Variants in LGSN observed in about 807,000 individuals in gnomAD.
LGSN encodes lengsin.
Under a neutral mutation model 19.5 loss-of-function variants are expected in LGSN, and 21 were observed. That is an observed-to-expected ratio of 1.07 (90% CI 0.76 to 1.55). The LOEUF (loss-of-function observed/expected upper bound fraction) is 1.55. Among genes scored for constraint, LGSN ranks in the 40% most tolerant of loss-of-function variants. The probability of loss-of-function intolerance (pLI) is 0.00; values close to 1 mark genes in which losing one functional copy is unlikely to be tolerated. For synonymous variants in LGSN, 257 were observed against 215.6 expected (o/e 1.19, Z -1.68); for missense variants, 673 against 608.5 (o/e 1.11, Z -1.12).
the LGSN span, among the ~76,000 whole-genome samples, chr6:63,496,038 T>C: frequency 6.6e-6 from 1 of 152,144 alleles, no homozygotes; most frequent in Non-Finnish European, 1.5e-5. Flanking sequence ...GCAATTCTCC[T>C]GCCTCAGCCT....
At chr6:63,480,986 T>TATACACATATAC in the LGSN span, among the ~76,000 whole-genome samples, 45 of 44,100 alleles carry the variant, frequency 1.0e-3, 1 homozygote, top group African/African-American at 2.0e-3. Context: ...TATATATATA[T>TATACACATATAC]ACACACACAC....
chr6:63,370,642 C>T, the LGSN span, among the ~76,000 whole-genome samples: 3 of 152,148 alleles, frequency 2.0e-5, no homozygotes, highest in Non-Finnish European at 4.4e-5. Context: ...CTCTCCTCAC[C>T]CAGAAATCAC....
At chr6:63,428,133 A>G in the LGSN span, among the ~76,000 whole-genome samples, 2 of 152,106 alleles carry the variant, frequency 1.3e-5, no homozygotes. Context: ...ATTTTCTTCT[A>G]ACCAAACACT....
the LGSN span, chr6:63,480,577 C>T: frequency 4.0e-5 from 6 of 151,504 alleles, no homozygotes; most frequent in African/African-American, 1.5e-4. Context: ...AGATGTGAAA[C>T]CTTGTGATAA....
At chr6:63,315,640 GT>G in intron 1 of LGSN, among the ~76,000 whole-genome samples, 1 of 151,160 alleles carries the variant, frequency 6.6e-6, no homozygotes, top group East Asian at 1.9e-4. Context: ...GTGTGTGTGT[GT>G]GTGTGTGTGT....
the LGSN span, among the ~76,000 whole-genome samples, chr6:63,429,504 G>A: frequency 6.6e-6 from 1 of 152,152 alleles, no homozygotes; most frequent in African/African-American, 2.4e-5. Context: ...GGGAGGCTGA[G>A]GCAGGCAAAT....
At chr6:63,383,958 T>C in the LGSN span, among the ~76,000 whole-genome samples, 1 of 152,226 alleles carries the variant, frequency 6.6e-6, no homozygotes, top group Non-Finnish European at 1.5e-5. Context: ...CATACCAGCT[T>C]CTCTGCTAAC....
the LGSN span, among the ~76,000 whole-genome samples, chr6:63,534,636 C>G: frequency 1.3e-5 from 2 of 151,920 alleles, no homozygotes; most frequent in African/African-American, 4.8e-5. Context: ...AGCAAGACAC[C>G]ATGTCTCTAA....
the LGSN span, among the ~76,000 whole-genome samples, chr6:63,435,334 T>C: frequency 1.3e-5 from 2 of 152,254 alleles, no homozygotes; most frequent in Non-Finnish European, 2.9e-5. Context: ...GCACCAATTC[T>C]GTCAAGTTTT....
intron 2 of LGSN, among the ~76,000 whole-genome samples, chr6:63,287,233 G>A (rs767403584): frequency 2.1e-4 from 32 of 152,122 alleles, no homozygotes; most frequent in Non-Finnish European, 3.7e-4. Flanking sequence ...CTGAAACTCC[G>A]GAGGCTTTAT....
chr6:63,293,893 A>G (rs953016811), intron 2 of LGSN: 2 of 392,594 alleles, frequency 5.1e-6, no homozygotes, highest in Admixed American at 3.1e-5. Flanking sequence ...ATATGTTTCC[A>G]CTGTTTTCAA....
chr6:63,369,162 A>G, the LGSN span, among the ~76,000 whole-genome samples: 1 of 152,210 alleles, frequency 6.6e-6, no homozygotes, highest in Non-Finnish European at 1.5e-5. Flanking sequence ...CAATAATACC[A>G]CCAAACATCC....
At chr6:63,525,328 A>T in the LGSN span, among the ~76,000 whole-genome samples, 1 of 152,130 alleles carries the variant, frequency 6.6e-6, no homozygotes, top group Non-Finnish European at 1.5e-5. Flanking sequence ...CATTTTTGCC[A>T]CCTGGCTTCC....
the LGSN span, among the ~76,000 whole-genome samples, chr6:63,438,137 G>T: frequency 1.3e-5 from 2 of 152,082 alleles, no homozygotes; most frequent in Non-Finnish European, 2.9e-5. Context: ...TTTTGGCCAG[G>T]TGCGGTGGCT....
chr6:63,323,635 A>T (rs900363630), upstream of LGSN, among the ~76,000 whole-genome samples: 14 of 151,760 alleles, frequency 9.2e-5, no homozygotes, highest in Admixed American at 8.5e-4. Flanking sequence ...TAGCATATTT[A>T]AAAATATAAT....
At chr6:63,366,306 G>A in the LGSN span, among the ~76,000 whole-genome samples, 120 of 152,262 alleles carry the variant, frequency 7.9e-4, no homozygotes, top group African/African-American at 2.8e-3. Context: ...CAGACAAACA[G>A]AGAGCCAAAT....
the LGSN span, among the ~76,000 whole-genome samples, chr6:63,373,475 A>C: frequency 6.6e-6 from 1 of 152,302 alleles, no homozygotes; most frequent in African/African-American, 2.4e-5. Context: ...AGAAAGTATA[A>C]CCTGAATCTA....
chr6:63,490,556 T>A, the LGSN span, among the ~76,000 whole-genome samples: 1 of 151,994 alleles, frequency 6.6e-6, no homozygotes, highest in African/African-American at 2.4e-5. Flanking sequence ...ATCTATTTTA[T>A]TTTATTTTTA....
At chr6:63,316,612 T>C (rs1240306280) in intron 1 of LGSN, among the ~76,000 whole-genome samples, 1 of 152,132 alleles carries the variant, frequency 6.6e-6, no homozygotes, top group Non-Finnish European at 1.5e-5. Context: ...ATTCTCCATA[T>C]TTTTTAGAGA....
Sources: gnomAD v4.1 joint callset for allele counts (sites outside exome capture counted in the v4.1 genomes callset) on GRCh38, gnomAD v4.1.1 for gene constraint, MANE v1.5 for transcripts, NCBI Gene and HGNC (gene_info 2026-07-23, HGNC 2026-07-21) for gene names.